The following NRXN3 variants were observed in gnomAD, a reference collection of about 807,000 sequenced individuals.
NRXN3 encodes neurexin 3.
Under a neutral mutation model 137.6 loss-of-function variants are expected in NRXN3, and 32 were observed. The observed-to-expected ratio is 0.23, with a 90% CI of 0.18 to 0.31. NRXN3 has a LOEUF of 0.31. Among genes scored for constraint, NRXN3 ranks in the 10% least tolerant of loss-of-function variants. The pLI is 1.00. For missense variants in NRXN3, 1,574 were observed against 2,062.5 expected (o/e 0.76, Z 4.59); for synonymous variants, 798 against 784.5 (o/e 1.02, Z -0.29).
chr14:78,518,596 G>A (rs2096244856), intron 4 of NRXN3, among the ~76,000 whole-genome samples: 1 of 152,110 alleles, frequency 6.6e-6, no homozygotes, highest in South Asian at 2.1e-4. Flanking sequence ...CTGTTCCTGG[G>A]TACAAAATGC....
chr14:78,496,363 A>G (rs1472936092), intron 4 of NRXN3, among the ~76,000 whole-genome samples: 1 of 152,214 alleles, frequency 6.6e-6, no homozygotes, highest in Admixed American at 6.5e-5. Context: ...TTCTTCCTAC[A>G]TATTTTGAGT....
intron 4 of NRXN3, among the ~76,000 whole-genome samples, chr14:78,431,581 G>A (rs1263966587): frequency 2.0e-5 from 3 of 152,128 alleles, no homozygotes; most frequent in African/African-American, 4.8e-5. Flanking sequence ...AAAGACAAAG[G>A]GGAGGGAAAG....
Position 79,089,311 on chromosome 14 carries a change from G to A in NRXN3, c.3262+101170G>A, listed in dbSNP as rs749923589. Among the ~76,000 whole-genome samples the A allele has an allele frequency of 1.7e-4, 26 of 152,208 alleles. No homozygotes were observed. In the South Asian group the frequency reaches 2.9e-3, roughly 17 times the overall value. On this transcript the variant is annotated intron_variant, in intron 15 of 20. Transcript: ENST00000335750. ...AAGGAAAAAACTGCTTTGAGCTCCC[G>A]AGAATGCTAGTTGATAGCAAACAAG...
At position 78,518,320 on chromosome 14, in the gene NRXN3, C is replaced by G. The variant is rs148224952; in HGVS notation, c.758-126800C>G. Among the ~76,000 whole-genome samples the G allele has an allele frequency of 3.1e-3, 471 of 152,122 alleles. 9 individuals are homozygous for G. Among genetic ancestry groups the G allele is most frequent in the African/African-American group, 0.011 (457 of 41,494 alleles). The stretch of plus-strand genomic sequence containing the variant: ...AAATGGTAATTTACATGGAGTCTCA[C>G]CCACCTGGAAGGATTGCAGTCTTTA... On this transcript the variant is annotated intron_variant, in intron 4 of 20. Coordinates refer to ENST00000335750, the MANE Select transcript of NRXN3 (RefSeq NM_001330195.2).
chr14:79,317,377 G>A (rs550739570), intron 15 of NRXN3, among the ~76,000 whole-genome samples: 1 of 152,264 alleles, frequency 6.6e-6, no homozygotes, highest in East Asian at 1.9e-4. Context: ...TTTGATCACG[G>A]CCTTGTTGTC....
intron 16 of NRXN3, among the ~76,000 whole-genome samples, chr14:79,545,230 A>G (rs1349561641): frequency 6.6e-6 from 1 of 152,212 alleles, no homozygotes; most frequent in Non-Finnish European, 1.5e-5. Context: ...TAGAAGTCCA[A>G]TACAGGTATC....
Position 78,594,220 on chromosome 14 carries a change from G to A in NRXN3, c.758-50900G>A, listed in dbSNP as rs1192566134. Reference sequence around the variant, plus strand: ...AAGCAGCAGTACCAGCATCGAGGGCGTGCCTCCTCGGCAAGCCTGAGTCTC... The same window carrying A: ...AAGCAGCAGTACCAGCATCGAGGGCATGCCTCCTCGGCAAGCCTGAGTCTC... On this transcript the variant is annotated intron_variant, in intron 4 of 20. Transcript: ENST00000335750. Among the ~76,000 whole-genome samples, 4 of 152,204 alleles carry A rather than the reference G, an allele frequency of 2.6e-5. 1 individual carries two copies. Among genetic ancestry groups the A allele is most frequent in the Admixed American group, 2.0e-4 (3 of 15,284 alleles).
intron 10 of NRXN3, among the ~76,000 whole-genome samples, chr14:78,824,101 TTC>T (rs1339484235): frequency 1.9e-5 from 2 of 102,852 alleles, no homozygotes; most frequent in Non-Finnish European, 4.1e-5. Context: ...GGTCACCTGC[TTC>T]TTTTTTTTTT....
intron 16 of NRXN3, among the ~76,000 whole-genome samples, chr14:79,538,479 T>G (rs1262416223): frequency 6.6e-6 from 1 of 152,182 alleles, no homozygotes; most frequent in Non-Finnish European, 1.5e-5. Context: ...AATTTTTGTA[T>G]AAGGTGTAAG....
chr14:78,974,348 C>T lies in NRXN3; in HGVS notation c.3142+6002C>T, dbSNP rs186536430. 3.0e-4 allele frequency among the ~76,000 whole-genome samples: 45 copies of T among 152,248 alleles called. No homozygotes were observed. In the South Asian group the frequency reaches 5.0e-3, roughly 17 times the overall value. ...CATCTCTTCCCTGACTTTACTATCA[C>T]GCAGGGTAAGAACTATATGGATTTT... On this transcript the variant is annotated intron_variant, in intron 14 of 20. Coordinates refer to ENST00000335750, the MANE Select transcript of NRXN3 (RefSeq NM_001330195.2).
chr14:78,929,663 A>G (rs1364542723), intron 10 of NRXN3, among the ~76,000 whole-genome samples: 2 of 152,168 alleles, frequency 1.3e-5, no homozygotes, highest in Non-Finnish European at 2.9e-5. Context: ...ATACACATGC[A>G]TGTGTCTTTA....
chr14:79,759,727 T>TA (rs1354731165), intron 19 of NRXN3, among the ~76,000 whole-genome samples: 1 of 151,762 alleles, frequency 6.6e-6, no homozygotes, highest in African/African-American at 2.4e-5. Flanking sequence ...AAAGTTATCA[T>TA]AAGAATAATA....
At chr14:79,370,322 T>G (rs565939542) in intron 15 of NRXN3, among the ~76,000 whole-genome samples, 313 of 113,928 alleles carry the variant, frequency 2.7e-3, no homozygotes, top group African/African-American at 8.4e-3. Flanking sequence ...GGTTTTTTTT[T>G]GTTTTTTTTT....
At chr14:78,844,744 T>C (rs1207934374) in intron 10 of NRXN3, among the ~76,000 whole-genome samples, 1 of 152,132 alleles carries the variant, frequency 6.6e-6, no homozygotes, top group Non-Finnish European at 1.5e-5. Flanking sequence ...TAAAGTTTGA[T>C]GATTTGGTTG....
chr14:78,287,827 C>A (rs1365757597), intron 3 of NRXN3, among the ~76,000 whole-genome samples: 1 of 152,104 alleles, frequency 6.6e-6, no homozygotes, highest in African/African-American at 2.4e-5. Flanking sequence ...CATTCTCCTA[C>A]AAGGGGTTTT....
rs114720880 is a variant in NRXN3 at position 78,307,331 on chromosome 14, A to G, written c.757+9471A>G. Among the ~76,000 whole-genome samples, 914 of 151,888 alleles carry G rather than the reference A, an allele frequency of 6.0e-3. 10 individuals carry two copies. Among genetic ancestry groups the G allele is most frequent in the African/African-American group, 0.02 (813 of 41,432 alleles). On this transcript the variant is annotated intron_variant, in intron 4 of 20. Coordinates refer to ENST00000335750, the MANE Select transcript of NRXN3 (RefSeq NM_001330195.2). ...CTTCTTTTTCTTTATTGGTTGATTT[A>G]TTTTTTAAAAAATTACCGTTTATTT...
At chr14:79,065,119 A>C (rs1024829058) in intron 15 of NRXN3, among the ~76,000 whole-genome samples, 6 of 151,836 alleles carry the variant, frequency 4.0e-5, no homozygotes, top group Admixed American at 2.6e-4. Flanking sequence ...AGCATATGTT[A>C]TTTTATGTAG....
chr14:78,545,709 C>A (rs1335455953), intron 4 of NRXN3, among the ~76,000 whole-genome samples: 1 of 152,154 alleles, frequency 6.6e-6, no homozygotes, highest in East Asian at 1.9e-4. Flanking sequence ...TGTAGTATGT[C>A]TATCTACCCA....
intron 16 of NRXN3, among the ~76,000 whole-genome samples, chr14:79,547,275 G>C (rs781041362): frequency 7.9e-5 from 12 of 152,030 alleles, no homozygotes; most frequent in Non-Finnish European, 1.8e-4. Context: ...CTGAAGGCAT[G>C]GCCATGAATT....
Sources: allele counts gnomAD v4.1 joint callset (sites outside exome capture counted in the v4.1 genomes callset), GRCh38; gene constraint gnomAD v4.1.1; transcripts MANE v1.5; gene names NCBI Gene and HGNC (gene_info 2026-07-23, HGNC 2026-07-21).